KNTC1: variants seen among roughly 807,000 people sequenced by gnomAD.
The protein encoded by KNTC1 is kinetochore-associated protein 1.
A neutral mutation model predicts 314.4 loss-of-function variants in KNTC1; 253 were observed. The observed-to-expected ratio is 0.80, with a 90% CI of 0.73 to 0.89. KNTC1 has a LOEUF of 0.89. KNTC1 is among the 40% of genes least tolerant of loss of function. The probability of loss-of-function intolerance (pLI) is 0.00; values close to 1 mark genes in which losing one functional copy is unlikely to be tolerated. For missense variants in KNTC1, 2,475 were observed against 2,572.9 expected, an observed-to-expected ratio of 0.96 and a Z score of 0.82; for synonymous variants, 901 against 901.4, an observed-to-expected ratio of 1.00 and a Z score of 0.01.
rs537266457 is a variant in KNTC1 at position 122,587,654 on chromosome 12, A to G, written c.3731-57A>G. The G allele has an allele frequency of 9.2e-6, 13 of 1,408,262 alleles. No homozygotes were observed. In the African/African-American group the frequency reaches 1.4e-4, roughly 16 times the overall value. The allele number at this position is 1,408,262 out of a possible 1,614,324, so 87.2% of individuals were successfully genotyped here. On this transcript the variant is annotated intron_variant, in intron 38 of 63. Coordinates refer to ENST00000333479, the MANE Select transcript of KNTC1 (RefSeq NM_014708.6). ...CTGTCCCTGAAAACAGTTTTCAATAATATGATCTTTCTTTGTTTAAAAAAT... is the reference window on the plus strand; with the variant it reads ...CTGTCCCTGAAAACAGTTTTCAATAGTATGATCTTTCTTTGTTTAAAAAAT...
intron 33 of KNTC1, among the ~76,000 whole-genome samples, chr12:122,581,299 A>G (rs1427737791): frequency 6.6e-6 from 1 of 150,842 alleles, no homozygotes; most frequent in Non-Finnish European, 1.5e-5. Context: ...CCCAGGTTCA[A>G]GTGATTCTCT....
chr12:122,585,403 C>T (rs1001319202), intron 36 of KNTC1, among the ~76,000 whole-genome samples: 12 of 152,050 alleles, frequency 7.9e-5, no homozygotes, highest in Admixed American at 5.9e-4. Context: ...GTTTTCTTAC[C>T]CTAGACCGGA....
At chr12:122,585,525 C>T in intron 36 of KNTC1, 111 bp from the exon 37 acceptor site, 1 of 1,210,356 alleles carries the variant, frequency 8.3e-7, no homozygotes, top group Non-Finnish European at 1.2e-6. Flanking sequence ...CGACATTGTC[C>T]TTCTGTTAGA....
intron 20 of KNTC1, among the ~76,000 whole-genome samples, chr12:122,566,135 G>A (rs915614144): frequency 6.6e-6 from 1 of 151,596 alleles, no homozygotes; most frequent in Non-Finnish European, 1.5e-5. Flanking sequence ...TAGAGATGGG[G>A]TTTCACTGTG....
chr12:122,595,703 A>C (rs1870943156), intron 43 of KNTC1, among the ~76,000 whole-genome samples: 1 of 152,258 alleles, frequency 6.6e-6, no homozygotes, highest in African/African-American at 2.4e-5. Flanking sequence ...AGAGTGTTAT[A>C]AATCCAGAAT....
Position 122,602,807 on chromosome 12 carries a change from ACTTTC to A in KNTC1, c.4826-18_4826-14del. 6.2e-7 allele frequency: 1 copy of A among 1,611,776 alleles called. No individual in the cohort carries two copies. The highest frequency in any genetic ancestry group is 8.5e-7 in the Non-Finnish European group (1 of 1,178,542). ...AAATTTTTTTTCTTAAGCAAATCGT[ACTTTC>A]CTTGTTTCCTTTCTAGCTACAGAAC... On this transcript the variant is annotated splice_polypyrimidine_tract_variant and intron_variant, in intron 46 of 63. Transcript: ENST00000333479.
intron 59 of KNTC1, chr12:122,620,219 T>A (rs972135119): frequency 9.3e-6 from 2 of 214,658 alleles, no homozygotes; most frequent in African/African-American, 4.6e-5. Flanking sequence ...TAGAAGCCTA[T>A]CTTTAGGCAT....
Position 122,603,209 on chromosome 12 carries a change from T to G in KNTC1, c.5067T>G (p.Ala1689=). 6.2e-7 allele frequency: 1 copy of G among 1,612,800 alleles called. No individual in the cohort carries two copies. The highest frequency in any genetic ancestry group is 8.5e-7 in the Non-Finnish European group (1 of 1,179,424). The change falls in exon 48 of 64, where the codon GCT becomes GCG. Residue 1689 remains alanine (A), a synonymous_variant. Coordinates refer to ENST00000333479, the MANE Select transcript of KNTC1 (RefSeq NM_014708.6). ...TAGTCAACCCAGAGTGGGCTGTAGC[T>G]ATTGCCATCAGCCTTGCCCAGGATA... The part of the protein sequence containing the change: ...LSIVNPEWAV[A]IAISLAQDIP...
At chr12:122,579,514 T>A (rs1212393404) in intron 31 of KNTC1, among the ~76,000 whole-genome samples, 1 of 152,222 alleles carries the variant, frequency 6.6e-6, no homozygotes, top group Non-Finnish European at 1.5e-5. Flanking sequence ...AAAATTTTTT[T>A]AAATAATCAC....
At chr12:122,574,859 C>T (rs1467332936) in intron 27 of KNTC1, among the ~76,000 whole-genome samples, 3 of 152,118 alleles carry the variant, frequency 2.0e-5, no homozygotes, top group Admixed American at 6.6e-5. Context: ...TTCAGTTATT[C>T]GCTGCAATGT....
At chr12:122,607,464 T>A (rs1198255307) in intron 51 of KNTC1, among the ~76,000 whole-genome samples, 1 of 152,214 alleles carries the variant, frequency 6.6e-6, no homozygotes, top group Non-Finnish European at 1.5e-5. Context: ...TAAGCTGCCC[T>A]CCAATTTGCG....
intron 5 of KNTC1, among the ~76,000 whole-genome samples, chr12:122,541,480 G>A (rs550987205): frequency 6.6e-6 from 1 of 151,490 alleles, no homozygotes; most frequent in African/African-American, 2.4e-5. Context: ...CTGAGTAGCT[G>A]GGACTACAGG....
rs376367155 is a variant in KNTC1, at chr12:122,546,192, C to A, written c.686C>A (p.Ala229Glu). The change falls in exon 9 of 64, where the codon GCA becomes GAA. Residue 229 changes from alanine (A) to glutamate (E), a missense_variant. Ala to Glu is a moderately radical substitution (Grantham distance 107, BLOSUM62 -1). Coordinates refer to ENST00000333479, the MANE Select transcript of KNTC1 (RefSeq NM_014708.6). ...PVIIGGTGNC[A>E]FSKWEPDSSK... is the part of the protein sequence containing the mutation. ...TTTTTCCAGGGAACCGGTAATTGTGCATTCTCAAAATGGGAACCAGATTCT... is the reference window on the plus strand; with the variant it reads ...TTTTTCCAGGGAACCGGTAATTGTGAATTCTCAAAATGGGAACCAGATTCT... 3 of 1,606,412 alleles carry A rather than the reference C, an allele frequency of 1.9e-6. No homozygotes were observed. Among genetic ancestry groups the A allele is most frequent in the Non-Finnish European group, 2.6e-6 (3 of 1,173,396 alleles).
chr12:122,560,158 G>T (rs1239132274), intron 18 of KNTC1, among the ~76,000 whole-genome samples: 1 of 152,022 alleles, frequency 6.6e-6, no homozygotes, highest in Non-Finnish European at 1.5e-5. Flanking sequence ...TATCCTCCAG[G>T]TTCATTCATG....
intron 43 of KNTC1, among the ~76,000 whole-genome samples, chr12:122,595,960 G>A (rs181530693): frequency 6.6e-5 from 10 of 152,036 alleles, no homozygotes; most frequent in African/African-American, 2.2e-4. Context: ...GAAAATGGTG[G>A]TACTTAAGCC....
chr12:122,612,177 T>C (rs566988657), intron 53 of KNTC1, among the ~76,000 whole-genome samples: 2 of 151,794 alleles, frequency 1.3e-5, no homozygotes, highest in East Asian at 2.0e-4. Context: ...GCAATTCTCC[T>C]GCCTCAGCCT....
In KNTC1 at chr12:122,594,280, C is replaced by G. The variant is rs745665785; in HGVS notation, c.4250C>G (p.Ser1417Cys). ...TTTTTTTCTTTTTATTTCTAGATTTCTTTTCAACCAGTTTTCAGGCAACAT... is the reference window on the plus strand; with the variant it reads ...TTTTTTTCTTTTTATTTCTAGATTTGTTTTCAACCAGTTTTCAGGCAACAT... Reference protein sequence around the residue: ...WGIRLGKLGISFQPVFRQHFL... With the variant: ...WGIRLGKLGICFQPVFRQHFL... The change falls in exon 43 of 64, where the codon TCT becomes TGT. Residue 1417 changes from serine (S) to cysteine (C), a missense_variant. By Grantham distance (112) the Ser-to-Cys change is moderately radical. Coordinates refer to ENST00000333479, the MANE Select transcript of KNTC1 (RefSeq NM_014708.6). The G allele has an allele frequency of 2.1e-5, 34 of 1,582,158 alleles. No homozygotes were observed. The highest frequency in any genetic ancestry group is 5.1e-5 in the Admixed American group (3 of 59,272).
Position 122,585,681 on chromosome 12 carries a change from A to C in KNTC1, c.3580A>C (p.Ser1194Arg), listed in dbSNP as rs1382473194. 1 of 1,613,866 alleles carries C rather than the reference A, an allele frequency of 6.2e-7. No homozygotes were observed. The change falls in exon 37 of 64, where the codon AGT becomes CGT. Residue 1194 changes from serine (S) to arginine (R), a missense_variant. Transcript: ENST00000333479. ...AGATCCATATGAAGAGTGGTCTTACAGTGACTTCTTCAGTGAAGATGGAAT... is the reference window on the plus strand; with the variant it reads ...AGATCCATATGAAGAGTGGTCTTACCGTGACTTCTTCAGTGAAGATGGAAT... Reference protein sequence around the residue: ...HKDPYEEWSYSDFFSEDGIVL... With the variant: ...HKDPYEEWSYRDFFSEDGIVL...
At chr12:122,597,210 C>T (rs7298913) in intron 43 of KNTC1, 17,289 of 150,066 alleles carry the variant, frequency 0.12, 3,355 homozygotes, top group African/African-American at 0.4. Flanking sequence ...AATATTCTAA[C>T]AGTTTACACA....
Sources: gnomAD v4.1 joint callset for allele counts (sites outside exome capture counted in the v4.1 genomes callset) on GRCh38, gnomAD v4.1.1 for gene constraint, MANE v1.5 for transcripts, NCBI Gene and HGNC (gene_info 2026-07-23, HGNC 2026-07-21) for gene names.